ZNF423: variants seen among roughly 807,000 people sequenced by gnomAD.
ZNF423 encodes the protein Ebf-associated zinc finger protein.
ZNF423 carries 12 observed loss-of-function variants against 95.8 expected under a neutral mutation model. The observed-to-expected ratio is 0.13, with a 90% CI of 0.08 to 0.20. ZNF423 has a LOEUF of 0.20. Among genes scored for constraint, ZNF423 ranks in the 10% least tolerant of loss-of-function variants. The pLI is 1.00. For missense variants in ZNF423, 1,316 were observed against 1,737.1 expected (o/e 0.76, Z 4.31); for synonymous variants, 749 against 711.9 (o/e 1.05, Z -0.83).
intron 5 of ZNF423, among the ~76,000 whole-genome samples, chr16:49,608,686 A>G (rs1971619640): frequency 6.6e-6 from 1 of 152,162 alleles, no homozygotes; most frequent in African/African-American, 2.4e-5. Flanking sequence ...ACCAACAAGG[A>G]TTTTGCTTTA....
At chr16:49,743,675 G>A (rs995622628) in intron 2 of ZNF423, among the ~76,000 whole-genome samples, 3 of 151,966 alleles carry the variant, frequency 2.0e-5, no homozygotes, top group East Asian at 1.9e-4. Context: ...CCCCAGACCC[G>A]GCTCTAGGGC....
intron 2 of ZNF423, among the ~76,000 whole-genome samples, chr16:49,743,589 G>A (rs2033459290): frequency 1.3e-5 from 2 of 151,782 alleles, no homozygotes; most frequent in Non-Finnish European, 2.9e-5. Context: ...AGGGAGGGAT[G>A]GGACAACAGG....
intron 3 of ZNF423, among the ~76,000 whole-genome samples, chr16:49,651,467 A>C (rs933565): frequency 0.52 from 78,777 of 151,964 alleles, 21,306 homozygotes; most frequent in South Asian, 0.67. Flanking sequence ...GACTTCCCTC[A>C]CCATTAGGGG....
intron 5 of ZNF423, among the ~76,000 whole-genome samples, chr16:49,597,433 T>C (rs1463647452): frequency 6.6e-6 from 1 of 152,236 alleles, no homozygotes; most frequent in Non-Finnish European, 1.5e-5. Flanking sequence ...GTCTCATTCA[T>C]AATTTTTAAG....
At chr16:49,648,329 A>G (rs982747651) in intron 3 of ZNF423, among the ~76,000 whole-genome samples, 5 of 152,230 alleles carry the variant, frequency 3.3e-5, no homozygotes, top group African/African-American at 1.2e-4. Context: ...GCTGCTAAAA[A>G]GAAAAAAGAT....
At chr16:49,683,722 A>G (rs1325644589) in intron 3 of ZNF423, among the ~76,000 whole-genome samples, 1 of 152,200 alleles carries the variant, frequency 6.6e-6, no homozygotes, top group African/African-American at 2.4e-5. Flanking sequence ...GCTCCTCGAG[A>G]GGGCATTAAA....
At chr16:49,500,477 C>T (rs1000953918) in intron 7 of ZNF423, among the ~76,000 whole-genome samples, 1 of 152,198 alleles carries the variant, frequency 6.6e-6, no homozygotes, top group Non-Finnish European at 1.5e-5. Context: ...TGAATTAGTG[C>T]ACAGTCCCCT....
chr16:49,807,325 G>A (rs2034680551), intron 1 of ZNF423, among the ~76,000 whole-genome samples: 1 of 151,978 alleles, frequency 6.6e-6, no homozygotes, highest in African/African-American at 2.4e-5. Flanking sequence ...TAGCTACTCG[G>A]GAGGCTGAGG....
chr16:49,602,723 G>A (rs1473726156), intron 5 of ZNF423, among the ~76,000 whole-genome samples: 1 of 152,140 alleles, frequency 6.6e-6, no homozygotes, highest in Non-Finnish European at 1.5e-5. Flanking sequence ...TTCAAAACCA[G>A]GTCAGAGAAA....
intron 5 of ZNF423, among the ~76,000 whole-genome samples, chr16:49,604,236 A>C: frequency 6.6e-6 from 1 of 152,190 alleles, no homozygotes; most frequent in South Asian, 2.1e-4. Context: ...CTGACATTTC[A>C]TCACATCTGA....
chr16:49,542,792 T>C (rs1363126757), intron 5 of ZNF423, among the ~76,000 whole-genome samples: 1 of 152,250 alleles, frequency 6.6e-6, no homozygotes, highest in African/African-American at 2.4e-5. Context: ...CTCCATGAGA[T>C]TGAAGATGAC....
At chr16:49,621,945 A>G (rs555247013) in intron 5 of ZNF423, among the ~76,000 whole-genome samples, 145 of 151,926 alleles carry the variant, frequency 9.5e-4, no homozygotes, top group Non-Finnish European at 1.4e-3. Context: ...TCTCTTCCCA[A>G]CTGGTTCCTT....
At position 49,709,062 on chromosome 16, in the gene ZNF423, T is replaced by G. The variant is rs375954733; in HGVS notation, c.301+21709A>C. 7.0e-4 allele frequency among the ~76,000 whole-genome samples: 106 copies of G among 151,940 alleles called. 1 individual carries two copies. In the East Asian group the frequency reaches 0.017, roughly 25 times the overall value. ...GCAAACATTTACAAGACACCTACTA[T>G]GTACCAGGCCCTGAGGACATAAGGA... is the stretch of plus-strand genomic sequence containing the variant. On this transcript the variant is annotated intron_variant, in intron 3 of 7. Coordinates refer to ENST00000563137, the MANE Select transcript of ZNF423 (RefSeq NM_001379286.1).
At chr16:49,717,672 C>T (rs1384771797) in intron 3 of ZNF423, among the ~76,000 whole-genome samples, 4 of 152,226 alleles carry the variant, frequency 2.6e-5, no homozygotes, top group African/African-American at 9.6e-5. Flanking sequence ...TGAGCCAATA[C>T]ATTGCACTGT....
chr16:49,676,275 C>T (rs8047734), intron 3 of ZNF423, among the ~76,000 whole-genome samples: 132,841 of 152,262 alleles, frequency 0.87, 58,068 homozygotes, highest in Admixed American at 0.89. Context: ...CTGAGATACA[C>T]ACACACGCAC....
chr16:49,635,567 G>A lies in ZNF423; in HGVS notation c.3516+93C>T. 6.8e-7 allele frequency: 1 copy of A among 1,461,596 alleles called. No individual in the cohort carries two copies. Among genetic ancestry groups the A allele is most frequent in the South Asian group, 1.5e-5 (1 of 67,880 alleles). 90.5% of individuals were successfully genotyped at this position (1,461,596 alleles called of 1,614,324 possible). A position where few individuals can be genotyped will look rare whatever the true frequency, so the allele number is the denominator to read the frequency against. The stretch of plus-strand genomic sequence containing the variant: ...CCACTGCGCGATAGCGCCGCTTCTT[G>A]GAAACACGGCACTCAGGGTACGTGG... On this transcript the variant is annotated intron_variant, in intron 4 of 7. Coordinates refer to ENST00000563137, the MANE Select transcript of ZNF423 (RefSeq NM_001379286.1). The surrounding 1 kb of genome is among the most constrained non-coding windows in gnomAD (Gnocchi z 4.8).
At chr16:49,800,441 T>C (rs554023463) in intron 1 of ZNF423, among the ~76,000 whole-genome samples, 17 of 152,190 alleles carry the variant, frequency 1.1e-4, no homozygotes, top group Non-Finnish European at 2.2e-4. Context: ...GCACCCACCA[T>C]AGATATTGCC....
chr16:49,827,287 C>T (rs1324684082), intron 1 of ZNF423, among the ~76,000 whole-genome samples: 1 of 152,076 alleles, frequency 6.6e-6, no homozygotes, highest in East Asian at 1.9e-4. Context: ...ACAGTCTTCA[C>T]CAGTTCCCCC....
rs1013330642 is a variant in ZNF423, at chr16:49,657,053, G to A, written c.302-18179C>T. On this transcript the variant is annotated intron_variant, in intron 3 of 7. Transcript: ENST00000563137. ...AAGAGAGGGAGTGACACCCGTTCAG[G>A]GGCACAAGCATTCTGCCAAGGAGGT... Among the ~76,000 whole-genome samples the A allele has an allele frequency of 1.4e-4, 22 of 152,274 alleles. No individual in the cohort carries two copies. The South Asian group carries it at 2.3e-3, about 16-fold the overall frequency.
Sources: allele counts gnomAD v4.1 joint callset (sites outside exome capture counted in the v4.1 genomes callset), GRCh38; gene constraint gnomAD v4.1.1; non-coding constraint Gnocchi (gnomAD v3.1); transcripts MANE v1.5; gene names NCBI Gene and HGNC (gene_info 2026-07-23, HGNC 2026-07-21).